Variants in CWC27 observed in about 807,000 individuals in gnomAD.
The protein encoded by CWC27 is spliceosome-associated protein CWC27 homolog.
Under a neutral mutation model 63.6 loss-of-function variants are expected in CWC27, and 47 were observed. The ratio of observed to expected loss-of-function variants is 0.74; its 90% CI spans 0.58 to 0.94. CWC27 has a LOEUF of 0.94. CWC27 is among the 40% of genes least tolerant of loss of function. CWC27 has a pLI of 0.00. For missense variants in CWC27, 495 were observed against 554.3 expected, an observed-to-expected ratio of 0.89 and a Z score of 1.07; for synonymous variants, 175 against 179.8, an observed-to-expected ratio of 0.97 and a Z score of 0.22.
chr5:64,885,690 TGA>T, intron 11 of CWC27, 144 bp downstream of exon 11: 2 of 573,334 alleles, frequency 3.5e-6, no homozygotes. Flanking sequence ...CCCTCCCTCT[TGA>T]GTTAGGGTGT....
At chr5:64,936,763 G>T (rs1748361602) in intron 11 of CWC27, among the ~76,000 whole-genome samples, 1 of 152,048 alleles carries the variant, frequency 6.6e-6, no homozygotes, top group South Asian at 2.1e-4. Flanking sequence ...ATTAATTACT[G>T]CCTTAAATTC....
At chr5:64,816,587 G>A (rs1297142502) in intron 10 of CWC27, among the ~76,000 whole-genome samples, 1 of 152,118 alleles carries the variant, frequency 6.6e-6, no homozygotes, top group Non-Finnish European at 1.5e-5. Context: ...GAATAGAGAG[G>A]AGCATGCGTC....
intron 7 of CWC27, among the ~76,000 whole-genome samples, chr5:64,789,247 A>AAC (rs1743992359): frequency 6.6e-6 from 1 of 152,104 alleles, no homozygotes; most frequent in Non-Finnish European, 1.5e-5. Flanking sequence ...AGTTTGAACT[A>AAC]GACTTGCAGT....
chr5:64,877,865 TC>T (rs34788719), intron 10 of CWC27, among the ~76,000 whole-genome samples: 50,812 of 151,650 alleles, frequency 0.34, 8,836 homozygotes, highest in East Asian at 0.51. Flanking sequence ...TTGAAAAATC[TC>T]TTGCCATCTC....
At chr5:64,977,751 G>C (rs138327148) in intron 13 of CWC27, among the ~76,000 whole-genome samples, 51 of 151,600 alleles carry the variant, frequency 3.4e-4, no homozygotes, top group African/African-American at 1.2e-3. Flanking sequence ...CTTTTTAAGA[G>C]ACTGATAAAT....
At chr5:64,851,443 A>T (rs1471625277) in intron 10 of CWC27, among the ~76,000 whole-genome samples, 1 of 152,116 alleles carries the variant, frequency 6.6e-6, no homozygotes, top group Non-Finnish European at 1.5e-5. Flanking sequence ...ATCATACAGG[A>T]GTGATATGTT....
chr5:64,790,188 C>T (rs1159059755), intron 7 of CWC27, among the ~76,000 whole-genome samples: 4 of 152,128 alleles, frequency 2.6e-5, no homozygotes, highest in Non-Finnish European at 5.9e-5. Flanking sequence ...ACATTCTAAA[C>T]TCTAGGAGAT....
At chr5:64,855,943 T>A (rs1561436164) in intron 10 of CWC27, among the ~76,000 whole-genome samples, 1 of 152,000 alleles carries the variant, frequency 6.6e-6, no homozygotes, top group Non-Finnish European at 1.5e-5. Flanking sequence ...TCATAAGAAA[T>A]CCATAATATG....
At chr5:64,993,515 A>T (rs1201321440) in intron 13 of CWC27, among the ~76,000 whole-genome samples, 1 of 152,116 alleles carries the variant, frequency 6.6e-6, no homozygotes, top group Non-Finnish European at 1.5e-5. Flanking sequence ...CTTTAGCTGA[A>T]TCCAGATTAC....
At position 64,831,877 on chromosome 5, in the gene CWC27, A is replaced by G. The variant is rs567072267; in HGVS notation, c.938+27491A>G. On this transcript the variant is annotated intron_variant, in intron 10 of 13. Transcript: ENST00000381070. Reference sequence around the variant, plus strand: ...TTTAATAGAAGGCAGCTGGATTCCTATATCTGCCTCTTTATTCACTCTGTT... The same window carrying G: ...TTTAATAGAAGGCAGCTGGATTCCTGTATCTGCCTCTTTATTCACTCTGTT... Among the ~76,000 whole-genome samples, 21 of 152,074 alleles carry G rather than the reference A, an allele frequency of 1.4e-4. No homozygotes were observed. The South Asian group carries it at 3.9e-3, about 28-fold the overall frequency.
At chr5:64,787,051 A>G (rs2112174135) in intron 6 of CWC27, among the ~76,000 whole-genome samples, 1 of 152,292 alleles carries the variant, frequency 6.6e-6, no homozygotes, top group Non-Finnish European at 1.5e-5. Flanking sequence ...AAACACTTAT[A>G]AAACCATCAG....
At chr5:64,943,820 C>A (rs1056164386) in intron 11 of CWC27, among the ~76,000 whole-genome samples, 9 of 152,144 alleles carry the variant, frequency 5.9e-5, no homozygotes, top group African/African-American at 2.2e-4. Context: ...TTGGGCCTTT[C>A]TTTTCATAGG....
chr5:64,970,518 A>C (rs1156585503), intron 11 of CWC27, among the ~76,000 whole-genome samples: 2 of 152,142 alleles, frequency 1.3e-5, no homozygotes, highest in African/African-American at 2.4e-5. Flanking sequence ...GGCCGAAAGT[A>C]ATTTTTAAAC....
chr5:64,842,817 G>C (rs1745879870), intron 10 of CWC27, among the ~76,000 whole-genome samples: 1 of 151,412 alleles, frequency 6.6e-6, no homozygotes, highest in Admixed American at 6.6e-5. Flanking sequence ...GCCCAAGCTG[G>C]TCTCAAACTC....
chr5:64,993,802 C>T (rs961548686), intron 13 of CWC27, among the ~76,000 whole-genome samples: 6 of 152,118 alleles, frequency 3.9e-5, no homozygotes. Flanking sequence ...AAAGCCAATT[C>T]ACCATAGTTG....
At chr5:64,845,232 GAACCTCTATCCA>G (rs1199370161) in intron 10 of CWC27, among the ~76,000 whole-genome samples, 3 of 152,178 alleles carry the variant, frequency 2.0e-5, no homozygotes, top group Non-Finnish European at 4.4e-5. Context: ...ACTAAATAGT[GAACCTCTATCCA>G]TGCCAAAGAA....
intron 10 of CWC27, among the ~76,000 whole-genome samples, chr5:64,874,267 T>C (rs933453257): frequency 6.7e-6 from 1 of 149,662 alleles, no homozygotes; most frequent in Non-Finnish European, 1.5e-5. Context: ...GTTCAAGTTA[T>C]TCTCCTGCCT....
rs143600099 is a variant in CWC27 at position 64,872,558 on chromosome 5, CTTAT to C, written c.939-12881_939-12878del. On this transcript the variant is annotated intron_variant, in intron 10 of 13. Coordinates refer to ENST00000381070, the MANE Select transcript of CWC27 (RefSeq NM_005869.4). ...AGAGAAACTTCCACCTCATTTTTTT[CTTAT>C]TTAATCTATACCATGTACTATATTT... 2.3e-3 allele frequency among the ~76,000 whole-genome samples: 346 copies of C among 152,240 alleles called. 2 individuals are homozygous for C. Among genetic ancestry groups the C allele is most frequent in the African/African-American group, 7.9e-3 (328 of 41,556 alleles).
intron 12 of CWC27, among the ~76,000 whole-genome samples, chr5:64,972,207 T>C (rs1749139666): frequency 6.6e-6 from 1 of 152,212 alleles, no homozygotes. Flanking sequence ...CCAGCCTAGC[T>C]TGAAATTGTA....
Sources: allele counts gnomAD v4.1 joint callset (sites outside exome capture counted in the v4.1 genomes callset), GRCh38; gene constraint gnomAD v4.1.1; transcripts MANE v1.5; gene names NCBI Gene and HGNC (gene_info 2026-07-23, HGNC 2026-07-21).